Variants in ST3GAL1 observed in about 807,000 individuals in gnomAD.
The protein encoded by ST3GAL1 is ST3 beta-galactoside alpha-2,3-sialyltransferase 1.
In ST3GAL1, 16 loss-of-function variants were observed where a neutral mutation model predicts 34.1. The ratio of observed to expected loss-of-function variants is 0.47; its 90% CI spans 0.32 to 0.71. The LOEUF (loss-of-function observed/expected upper bound fraction) is 0.71. ST3GAL1 is among the 30% of genes least tolerant of loss of function. The pLI is 0.04. For synonymous variants in ST3GAL1, 191 were observed against 184.7 expected, an observed-to-expected ratio of 1.03 and a Z score of -0.28; for missense variants, 353 against 447.4, an observed-to-expected ratio of 0.79 and a Z score of 1.90.
Position 133,459,485 on chromosome 8 carries a change from G to T in ST3GAL1, c.*279C>A, listed in dbSNP as rs1815415762. 3.1e-6 allele frequency: 1 copy of T among 322,412 alleles called. No homozygotes were observed. Among genetic ancestry groups the T allele is most frequent in the Non-Finnish European group, 5.6e-6 (1 of 177,190 alleles). The allele number at this position is 322,412 out of a possible 1,614,324, so 20.0% of individuals were successfully genotyped here. On this transcript the variant is annotated 3_prime_UTR_variant, in exon 10 of 10. Coordinates refer to ENST00000522652, the MANE Select transcript of ST3GAL1 (RefSeq NM_173344.3). This position sits in a 1 kb window ranked among gnomAD's most constrained non-coding sequence, Gnocchi z 4.7. ...GCCAAAATGATTTTAGTGTGTGGAG[G>T]TTGAACCTTTCCCAGCGTCTCCCCA...
At chr8:133,516,769 G>T (rs188202069) in intron 2 of ST3GAL1, among the ~76,000 whole-genome samples, 1 of 152,272 alleles carries the variant, frequency 6.6e-6, no homozygotes, top group African/African-American at 2.4e-5. Flanking sequence ...ATAACTCTAA[G>T]CCCAGGTTTG....
At chr8:133,504,675 G>A (rs1437070507) in intron 2 of ST3GAL1, among the ~76,000 whole-genome samples, 1 of 152,126 alleles carries the variant, frequency 6.6e-6, no homozygotes, top group Non-Finnish European at 1.5e-5. Context: ...CCACTCAAGA[G>A]TATGAGATAG....
chr8:133,535,235 G>C (rs927727622), intron 2 of ST3GAL1, among the ~76,000 whole-genome samples: 22 of 152,234 alleles, frequency 1.4e-4, no homozygotes, highest in Non-Finnish European at 2.6e-4. Flanking sequence ...GCCCAGGCTA[G>C]AGCTACATTA....
At position 133,459,884 on chromosome 8, in the gene ST3GAL1, C is replaced by T; in HGVS notation, c.903G>A (p.Trp301Ter). The T allele has an allele frequency of 6.2e-7, 1 of 1,614,122 alleles. No individual in the cohort carries two copies. The highest frequency in any genetic ancestry group is 8.5e-7 in the Non-Finnish European group (1 of 1,179,988). Reference sequence around the variant, plus strand: ...AAGCCCCCGCGGATGGGTTGTTCTCCCAGTAGTGGTGCCAGTTCCCTTTGC... The same window carrying T: ...AAGCCCCCGCGGATGGGTTGTTCTCTCAGTAGTGGTGCCAGTTCCCTTTGC... The part of the protein sequence containing the change: ...ADSKGNWHHY[W>*]ENNPSAGAFR... The change falls in exon 10 of 10, where the codon TGG (tryptophan) becomes TGA (stop). Residue 301 changes from tryptophan (W) to a stop codon, truncating the protein, a stop_gained. Coordinates refer to ENST00000522652, the MANE Select transcript of ST3GAL1 (RefSeq NM_173344.3). LOFTEE classifies it high-confidence loss of function. The surrounding 1 kb of genome is among the most constrained non-coding windows in gnomAD (Gnocchi z 4.7).
intron 2 of ST3GAL1, among the ~76,000 whole-genome samples, chr8:133,539,125 T>C (rs753294886): frequency 2.6e-5 from 4 of 152,200 alleles, no homozygotes; most frequent in Non-Finnish European, 5.9e-5. Flanking sequence ...TTCCTGAGAA[T>C]GCAGTCCCTG....
chr8:133,478,687 G>A lies in ST3GAL1; in HGVS notation c.-373-2087C>T, dbSNP rs142144779. ...CGATGGCTCTTACTCATTCTCTAGG[G>A]CTCAGCTGGTGCTGACTCCTGGAGG... is the stretch of plus-strand genomic sequence containing the variant. On this transcript the variant is annotated intron_variant, in intron 3 of 9. Transcript: ENST00000522652. Among the ~76,000 whole-genome samples, 34 of 152,248 alleles carry A rather than the reference G, an allele frequency of 2.2e-4. 1 individual carries two copies. Among genetic ancestry groups the A allele is most frequent in the African/African-American group, 6.7e-4 (28 of 41,556 alleles).
At chr8:133,501,681 G>A (rs1817160439) in intron 2 of ST3GAL1, among the ~76,000 whole-genome samples, 1 of 152,094 alleles carries the variant, frequency 6.6e-6, no homozygotes, top group Admixed American at 6.5e-5. Context: ...CCCAGGAGGT[G>A]GAGGTTGCAG....
intron 1 of ST3GAL1, among the ~76,000 whole-genome samples, chr8:133,552,017 T>C (rs1216764042): frequency 1.3e-5 from 2 of 152,218 alleles, no homozygotes; most frequent in South Asian, 2.1e-4. Context: ...TATTGTAAAG[T>C]CTGGGACTAA....
chr8:133,489,300 A>AG (rs1206338440), intron 3 of ST3GAL1, among the ~76,000 whole-genome samples: 1 of 152,064 alleles, frequency 6.6e-6, no homozygotes, highest in East Asian at 1.9e-4. Flanking sequence ...CCTAACTCCA[A>AG]GGGGCACAGC....
At chr8:133,477,782 T>G (rs1208944929) in intron 3 of ST3GAL1, among the ~76,000 whole-genome samples, 2 of 152,056 alleles carry the variant, frequency 1.3e-5, no homozygotes, top group African/African-American at 4.8e-5. Flanking sequence ...GGTCTTTGCT[T>G]GGAATGCTGA....
At chr8:133,528,607 T>C (rs1818045713) in intron 2 of ST3GAL1, among the ~76,000 whole-genome samples, 1 of 152,262 alleles carries the variant, frequency 6.6e-6, no homozygotes. Context: ...CCACCTATTT[T>C]TGTAAATGAA....
chr8:133,499,849 C>G (rs979936450), intron 2 of ST3GAL1, among the ~76,000 whole-genome samples: 1 of 152,132 alleles, frequency 6.6e-6, no homozygotes, highest in African/African-American at 2.4e-5. Flanking sequence ...TCTCACCCAC[C>G]CCCATCCCCA....
Position 133,571,525 on chromosome 8 carries a change from C to T in ST3GAL1, c.-582+168G>A, listed in dbSNP as rs1323431422. Among the ~76,000 whole-genome samples the T allele has an allele frequency of 6.6e-6, 1 of 152,178 alleles. No individual in the cohort carries two copies. Among genetic ancestry groups the T allele is most frequent in the East Asian group, 1.9e-4 (1 of 5,168 alleles). ...ACTAGAATCCCGGGGTCTTCAGTCC[C>T]AGCTCCACTGTCACACCCTCCTAGT... On this transcript the variant is annotated intron_variant, in intron 1 of 9. Coordinates refer to ENST00000522652, the MANE Select transcript of ST3GAL1 (RefSeq NM_173344.3). This position sits in a 1 kb window ranked among gnomAD's most constrained non-coding sequence, Gnocchi z 6.7.
At chr8:133,507,528 A>G (rs1214378235) in intron 2 of ST3GAL1, among the ~76,000 whole-genome samples, 1 of 152,066 alleles carries the variant, frequency 6.6e-6, no homozygotes, top group Non-Finnish European at 1.5e-5. Context: ...AGGCACGGGC[A>G]TTACCAGGCC....
At chr8:133,537,812 C>T (rs761660632) in intron 2 of ST3GAL1, among the ~76,000 whole-genome samples, 38 of 152,190 alleles carry the variant, frequency 2.5e-4, no homozygotes, top group Non-Finnish European at 4.6e-4. Flanking sequence ...ACACAGGGCC[C>T]GGCTGTCTTG....
Position 133,467,803 on chromosome 8 carries a change from T to C in ST3GAL1, c.307-1713A>G, listed in dbSNP as rs1815799052. On this transcript the variant is annotated intron_variant, in intron 5 of 9. Transcript: ENST00000522652. The surrounding 1 kb of genome is among the most constrained non-coding windows in gnomAD (Gnocchi z 4.2). ...CCAGTCCCCACTGCAATGGAAGGAATCGGATGCCCCAAGGGGAGGCACACA... is the reference window on the plus strand; with the variant it reads ...CCAGTCCCCACTGCAATGGAAGGAACCGGATGCCCCAAGGGGAGGCACACA... Among the ~76,000 whole-genome samples the C allele has an allele frequency of 1.3e-5, 2 of 152,000 alleles. No homozygotes were observed. The highest frequency in any genetic ancestry group is 2.1e-4 in the South Asian group (1 of 4,826).
At chr8:133,497,527 C>G (rs1038723578) in intron 3 of ST3GAL1, among the ~76,000 whole-genome samples, 1 of 124,796 alleles carries the variant, frequency 8.0e-6, no homozygotes, top group Non-Finnish European at 1.6e-5. Context: ...CTGGAGTGCA[C>G]GGGCGCAATC....
At chr8:133,532,547 C>T (rs2131047648) in intron 2 of ST3GAL1, among the ~76,000 whole-genome samples, 1 of 152,102 alleles carries the variant, frequency 6.6e-6, no homozygotes, top group South Asian at 2.1e-4. Flanking sequence ...GAAATAATTC[C>T]TCAATTTTAA....
At chr8:133,510,035 G>GGT (rs1250160758) in intron 2 of ST3GAL1, among the ~76,000 whole-genome samples, 1 of 148,574 alleles carries the variant, frequency 6.7e-6, no homozygotes, top group East Asian at 2.0e-4. Context: ...CTCCAGCCTG[G>GGT]GCAACAAGAG....
Sources: gnomAD v4.1 joint callset for allele counts (sites outside exome capture counted in the v4.1 genomes callset) on GRCh38, gnomAD v4.1.1 for gene constraint, Gnocchi (gnomAD v3.1) non-coding constraint, MANE v1.5 for transcripts, NCBI Gene and HGNC (gene_info 2026-07-23, HGNC 2026-07-21) for gene names.